The following SRSF7 variants were observed in gnomAD, a reference collection of about 807,000 sequenced individuals.
SRSF7 encodes serine/arginine-rich splicing factor 7.
In SRSF7, 15 loss-of-function variants were observed where a neutral mutation model predicts 42.2. The observed-to-expected ratio is 0.36, with a 90% CI of 0.24 to 0.55. The LOEUF (loss-of-function observed/expected upper bound fraction) is 0.55. Ranked by LOEUF, SRSF7 falls within the 20% of genes least tolerant of loss-of-function variation. SRSF7 has a pLI of 0.88. For missense variants in SRSF7, 181 were observed against 305.9 expected (o/e 0.59, Z 3.04); for synonymous variants, 138 against 107.9 (o/e 1.28, Z -1.73).
At chr2:38,748,843 A>G in intron 3 of SRSF7, 190 bp from the exon 4 acceptor site, 1 of 1,341,160 alleles carries the variant, frequency 7.5e-7, no homozygotes, top group Non-Finnish European at 9.9e-7. Flanking sequence ...TAAAAGCTGA[A>G]TTACAACTTA....
Position 38,743,680 on chromosome 2 carries a change from A to G in SRSF7, c.*1453T>C. 2.3e-3 allele frequency: 352 copies of G among 152,802 alleles called. 1 individual carries two copies. Among genetic ancestry groups the G allele is most frequent in the African/African-American group, 7.9e-3 (330 of 41,594 alleles). 9.5% of individuals were successfully genotyped at this position (152,802 alleles called of 1,614,324 possible). On this transcript the variant is annotated 3_prime_UTR_variant, in exon 8 of 8. Coordinates refer to ENST00000313117, the MANE Select transcript of SRSF7 (RefSeq NM_001031684.3). ...AGAACAATTAAAGCTAACCAAGTGC[A>G]ACAGATAAATAAGCCTGCCAGTTAT...
chr2:38,749,186 AG>A, intron 3 of SRSF7: 1 of 1,332,338 alleles, frequency 7.5e-7, no homozygotes. Flanking sequence ...TTAAAGAATA[AG>A]GTGAAGCTAG....
rs148085050 is a variant in SRSF7, at chr2:38,749,844, C to G, written c.210-139G>C. The G allele has an allele frequency of 2.8e-4, 352 of 1,253,854 alleles. 1 individual carries two copies. The East Asian group carries it at 8.7e-3, about 31-fold the overall frequency. 77.7% of individuals were successfully genotyped at this position (1,253,854 alleles called of 1,614,324 possible). A position where few individuals can be genotyped will look rare whatever the true frequency, so the allele number is the denominator to read the frequency against. On this transcript the variant is annotated intron_variant, in intron 2 of 7. Transcript: ENST00000313117. ...CAAACTTTGGCGGTCTTTACCAAGC[C>G]CTAACTCCATCTCCGCTATCTTCTT... is the stretch of plus-strand genomic sequence containing the variant.
intron 6 of SRSF7, 112 bp downstream of exon 6, chr2:38,746,582 T>C: frequency 6.6e-7 from 1 of 1,511,048 alleles, no homozygotes; most frequent in Non-Finnish European, 9.0e-7. Context: ...GTGTTCCCAC[T>C]AAAACCTAAG....
chr2:38,744,861 A>G lies in SRSF7; in HGVS notation c.*272T>C. 2.6e-6 allele frequency: 1 copy of G among 380,718 alleles called. No individual in the cohort carries two copies. The highest frequency in any genetic ancestry group is 4.7e-6 in the Non-Finnish European group (1 of 212,062). 23.6% of individuals were successfully genotyped at this position (380,718 alleles called of 1,614,324 possible). A position where few individuals can be genotyped will look rare whatever the true frequency, so the allele number is the denominator to read the frequency against. On this transcript the variant is annotated 3_prime_UTR_variant, in exon 8 of 8. Transcript: ENST00000313117. ...GTCTGACTCTCAAATATATCAAATT[A>G]AGAAGTGTTAATATTGAACACAAAT...
At chr2:38,745,491 T>C (rs552405719) in intron 7 of SRSF7, among the ~76,000 whole-genome samples, 16 of 152,110 alleles carry the variant, frequency 1.1e-4, no homozygotes, top group Admixed American at 1.0e-3. Flanking sequence ...CCGTCTCTAC[T>C]AGAAATACAA....
intron 1 of SRSF7, 124 bp downstream of exon 1, chr2:38,751,105 G>T: frequency 7.6e-7 from 1 of 1,314,942 alleles, no homozygotes; most frequent in Non-Finnish European, 1.1e-6. Context: ...GCTTCGTCTG[G>T]CGTGCTCCTA....
chr2:38,747,716 G>A (rs778158642), intron 5 of SRSF7, among the ~76,000 whole-genome samples: 20 of 152,128 alleles, frequency 1.3e-4, no homozygotes, highest in South Asian at 4.1e-4. Context: ...CCTTTTTGTC[G>A]GGAAAATCAA....
chr2:38,745,110 C>T lies in SRSF7; in HGVS notation c.*23G>A. On this transcript the variant is annotated 3_prime_UTR_variant, in exon 8 of 8. Coordinates refer to ENST00000313117, the MANE Select transcript of SRSF7 (RefSeq NM_001031684.3). ...AATAATGTAAACAAAATAACTTTTC[C>T]CTAAAGGGTGAACTTGAGAGCTTCA... The T allele has an allele frequency of 4.3e-6, 7 of 1,612,958 alleles. No homozygotes were observed. The highest frequency in any genetic ancestry group is 1.3e-5 in the African/African-American group (1 of 74,846).
intron 1 of SRSF7, among the ~76,000 whole-genome samples, chr2:38,750,584 G>A (rs1406220164): frequency 1.3e-5 from 2 of 151,980 alleles, no homozygotes; most frequent in African/African-American, 2.4e-5. Flanking sequence ...GCCGGGCCAG[G>A]AGAGCAGGGC....
At chr2:38,747,289 A>C (rs1232738626) in intron 5 of SRSF7, among the ~76,000 whole-genome samples, 1 of 152,240 alleles carries the variant, frequency 6.6e-6, no homozygotes, top group Non-Finnish European at 1.5e-5. Context: ...TCAGACTGAC[A>C]TATCTATCTT....
Position 38,744,821 on chromosome 2 carries a change from G to A in SRSF7, c.*312C>T. 3.5e-6 allele frequency: 1 copy of A among 282,760 alleles called. No homozygotes were observed. The highest frequency in any genetic ancestry group is 2.2e-5 in the African/African-American group (1 of 45,574). 17.5% of individuals were successfully genotyped at this position (282,760 alleles called of 1,614,324 possible). On this transcript the variant is annotated 3_prime_UTR_variant, in exon 8 of 8. Transcript: ENST00000313117. ...CTGAATGTAGGTATGTATGAATAAGGTTAACAATTATAATGTCTGACTCTC... is the reference window on the plus strand; with the variant it reads ...CTGAATGTAGGTATGTATGAATAAGATTAACAATTATAATGTCTGACTCTC...
At chr2:38,746,086 A>T in intron 7 of SRSF7, 58 bp downstream of exon 7, 1 of 1,596,094 alleles carries the variant, frequency 6.3e-7, no homozygotes, top group East Asian at 2.2e-5. Context: ...GTAAGCAAAC[A>T]AATTCTGCAG....
At chr2:38,746,628 A>G in intron 6 of SRSF7, 66 bp downstream of exon 6, 1 of 1,592,634 alleles carries the variant, frequency 6.3e-7, no homozygotes, top group South Asian at 1.1e-5. Flanking sequence ...ACAATTAAAA[A>G]CACTTTGAAC....
chr2:38,746,802 T>C (rs1158277661), intron 5 of SRSF7, 55 bp from the exon 6 acceptor site: 26 of 1,605,826 alleles, frequency 1.6e-5, no homozygotes, highest in Non-Finnish European at 2.2e-5. Context: ...AGGAATTTCC[T>C]TAACTACTCA....
intron 1 of SRSF7, among the ~76,000 whole-genome samples, chr2:38,750,421 C>T (rs893655979): frequency 1.1e-4 from 17 of 151,902 alleles, no homozygotes; most frequent in African/African-American, 4.1e-4. Flanking sequence ...GGTGACCCTC[C>T]CGAACACAAG....
chr2:38,749,772 A>AACTCTTTCCAACCACTC lies in SRSF7; in HGVS notation c.210-84_210-68dup, dbSNP rs545820725. ...ATTCAGGACTTATAGATTTAAAAAG[A>AACTCTTTCCAACCACTC]ACTCTTTCCAACCACTCACTCTTTC... On this transcript the variant is annotated intron_variant, in intron 2 of 7. Transcript: ENST00000313117. The AACTCTTTCCAACCACTC allele has an allele frequency of 4.9e-6, 7 of 1,427,464 alleles. No homozygotes were observed. The African/African-American group carries it at 7.3e-5, about 15-fold the overall frequency. 88.4% of individuals were successfully genotyped at this position (1,427,464 alleles called of 1,614,324 possible). A position where few individuals can be genotyped will look rare whatever the true frequency, so the allele number is the denominator to read the frequency against.
intron 1 of SRSF7, among the ~76,000 whole-genome samples, chr2:38,750,572 G>A (rs938761119): frequency 1.3e-5 from 2 of 151,800 alleles, no homozygotes; most frequent in Admixed American, 1.3e-4. Context: ...GCCTCGGTAG[G>A]GGCCGGGCCA....
At chr2:38,751,169 C>T (rs138886204) in intron 1 of SRSF7, 60 bp downstream of exon 1, 2 of 1,604,582 alleles carry the variant, frequency 1.2e-6, no homozygotes, top group East Asian at 4.5e-5. Flanking sequence ...GACAACCCTA[C>T]GGCCTCGCAG....
Sources: gnomAD v4.1 joint callset for allele counts (sites outside exome capture counted in the v4.1 genomes callset) on GRCh38, gnomAD v4.1.1 for gene constraint, MANE v1.5 for transcripts, NCBI Gene and HGNC (gene_info 2026-07-23, HGNC 2026-07-21) for gene names.